The following HFM1 variants were observed in gnomAD, a reference collection of about 807,000 sequenced individuals.
HFM1 encodes the protein probable ATP-dependent DNA helicase HFM1.
Under a neutral mutation model 192.1 loss-of-function variants are expected in HFM1, and 169 were observed. The observed-to-expected ratio is 0.88, with a 90% CI of 0.78 to 1.00. The LOEUF is 1.00. HFM1 is among the 50% of genes least tolerant of loss of function. The pLI, the probability that HFM1 is intolerant of heterozygous loss-of-function variation, is 0.00. For synonymous variants in HFM1, 525 were observed against 537.8 expected, an observed-to-expected ratio of 0.98 and a Z score of 0.33; for missense variants, 1,661 against 1,668.0, an observed-to-expected ratio of 1.00 and a Z score of 0.07.
At chr1:91,290,618 CACTGTCA>C (rs1668634738) in intron 30 of HFM1, among the ~76,000 whole-genome samples, 1 of 152,134 alleles carries the variant, frequency 6.6e-6, no homozygotes, top group African/African-American at 2.4e-5. Flanking sequence ...TTTAACACCC[CACTGTCA>C]ACATTACACA....
intron 20 of HFM1, among the ~76,000 whole-genome samples, chr1:91,342,716 T>C (rs1441869246): frequency 6.6e-6 from 1 of 152,204 alleles, no homozygotes; most frequent in Non-Finnish European, 1.5e-5. Flanking sequence ...TCCCAGTTAA[T>C]GAACCTAAGA....
chr1:91,318,494 T>G (rs1461135217), intron 25 of HFM1, among the ~76,000 whole-genome samples: 1 of 152,194 alleles, frequency 6.6e-6, no homozygotes, highest in African/African-American at 2.4e-5. Context: ...AGGTCACAGG[T>G]ACCAAACAGG....
chr1:91,382,461 A>T lies in HFM1; in HGVS notation c.803-1479T>A, dbSNP rs549137146. Reference sequence around the variant, plus strand: ...TAAGTGACATATCCCAAATACTTAGAACAGTGCCTGACACATAACTCAGTT... The same window carrying T: ...TAAGTGACATATCCCAAATACTTAGTACAGTGCCTGACACATAACTCAGTT... On this transcript the variant is annotated intron_variant, in intron 6 of 38. Transcript: ENST00000370425. Among the ~76,000 whole-genome samples the T allele has an allele frequency of 1.1e-4, 17 of 152,328 alleles. No homozygotes were observed. The East Asian group carries it at 3.1e-3, about 28-fold the overall frequency.
chr1:91,319,353 C>T lies in HFM1; in HGVS notation c.2620G>A (p.Asp874Asn). The change falls in exon 24 of 39, where the codon GAT becomes AAT. Residue 874 changes from aspartate to asparagine, a missense_variant. Coordinates refer to ENST00000370425, the MANE Select transcript of HFM1 (RefSeq NM_001017975.6). Reference sequence around the variant, plus strand: ...GCGGTATCTTGTGTCAAAGCAAAATCTTGTATGGGAATGCATCCTAGTTGA... The same window carrying T: ...GCGGTATCTTGTGTCAAAGCAAAATTTTGTATGGGAATGCATCCTAGTTGA... ...QAQLGCIPIQ[D>N]FALTQDTAKI... 6.2e-7 allele frequency: 1 copy of T among 1,612,934 alleles called. No individual in the cohort carries two copies. Among genetic ancestry groups the T allele is most frequent in the Non-Finnish European group, 8.5e-7 (1 of 1,179,068 alleles).
At chr1:91,309,118 A>G (rs778829856) in intron 30 of HFM1, among the ~76,000 whole-genome samples, 1 of 152,208 alleles carries the variant, frequency 6.6e-6, no homozygotes, top group Non-Finnish European at 1.5e-5. Context: ...ATAGTTCTAA[A>G]TGCGTTCTTC....
At position 91,338,657 on chromosome 1, in the gene HFM1, TC is replaced by T. The variant is rs147721735; in HGVS notation, c.2335+4772del. 2.5e-3 allele frequency among the ~76,000 whole-genome samples: 382 copies of T among 152,232 alleles called. 3 individuals carry two copies. The highest frequency in any genetic ancestry group is 8.5e-3 in the African/African-American group (355 of 41,554). The stretch of plus-strand genomic sequence containing the variant: ...TGCACTCAACCATGGCCTCCCCACA[TC>T]ACTTTGCTAGCATGCACATGGTGCA... On this transcript the variant is annotated intron_variant, in intron 20 of 38. Coordinates refer to ENST00000370425, the MANE Select transcript of HFM1 (RefSeq NM_001017975.6).
chr1:91,378,506 T>C (rs192036010), intron 9 of HFM1, 26 bp from the exon 10 acceptor site: 12 of 1,299,932 alleles, frequency 9.2e-6, no homozygotes, highest in African/African-American at 4.4e-5. Flanking sequence ...AGCATACAAG[T>C]AGTTTAATGT....
intron 13 of HFM1, among the ~76,000 whole-genome samples, chr1:91,363,057 C>T (rs1474852879): frequency 2.0e-5 from 3 of 151,936 alleles, no homozygotes; most frequent in Admixed American, 1.3e-4. Flanking sequence ...AATGTAAAAC[C>T]GAAAACTATA....
chr1:91,393,876 G>A (rs1429521162), intron 4 of HFM1, among the ~76,000 whole-genome samples: 1 of 151,888 alleles, frequency 6.6e-6, no homozygotes, highest in Non-Finnish European at 1.5e-5. Flanking sequence ...GGACTGTTGT[G>A]GTACCATTTA....
At chr1:91,339,070 C>G in intron 20 of HFM1, 1 of 454,352 alleles carries the variant, frequency 2.2e-6, no homozygotes, top group Non-Finnish European at 4.4e-6. Context: ...ACTTATGCCA[C>G]AGTAAATCTC....
chr1:91,285,140 G>A (rs1448109962), intron 30 of HFM1, among the ~76,000 whole-genome samples: 2 of 152,132 alleles, frequency 1.3e-5, no homozygotes, highest in African/African-American at 4.8e-5. Flanking sequence ...GGCCTCCCCA[G>A]CCACGTGGAA....
intron 36 of HFM1, 70 bp downstream of exon 36, chr1:91,265,947 C>A (rs1665723813): frequency 1.3e-6 from 2 of 1,554,252 alleles, no homozygotes; most frequent in African/African-American, 2.8e-5. Context: ...ATAACTTGAT[C>A]CCCATCTCCA....
At chr1:91,262,711 A>G in intron 36 of HFM1, 119 bp from the exon 37 acceptor site, 1 of 622,502 alleles carries the variant, frequency 1.6e-6, no homozygotes, top group African/African-American at 1.9e-5. Context: ...ACAAAAATGT[A>G]ATGCATTGTT....
intron 4 of HFM1, among the ~76,000 whole-genome samples, chr1:91,389,964 T>A (rs905882588): frequency 5.9e-5 from 9 of 152,214 alleles, no homozygotes; most frequent in Non-Finnish European, 1.5e-5. Flanking sequence ...GCAATTCTAC[T>A]TCTGGGTTTA....
In HFM1 at chr1:91,396,394, T is replaced by C. The variant is rs908265078; in HGVS notation, c.83A>G (p.Asn28Ser). The change falls in exon 3 of 39, where the codon AAT (asparagine) becomes AGT (serine). Residue 28 changes from asparagine (N) to serine (S), a missense_variant. By Grantham distance (46) the Asn-to-Ser change is conservative. Transcript: ENST00000370425. ...KPDEVENHPD[N>S]EKSLDWFLPP... ...GAGAAACCAATCCAATGACTTTTCA[T>C]TGTCTGGATGGCTATATAAAATATA... 9 of 1,567,124 alleles carry C rather than the reference T, an allele frequency of 5.7e-6. No individual in the cohort carries two copies. The African/African-American group carries it at 1.1e-4, about 19-fold the overall frequency.
At chr1:91,381,830 A>ATT (rs1661579538) in intron 6 of HFM1, among the ~76,000 whole-genome samples, 1 of 152,190 alleles carries the variant, frequency 6.6e-6, no homozygotes, top group African/African-American at 2.4e-5. Context: ...GTACACAGTT[A>ATT]CTTAAACAAC....
At chr1:91,359,938 A>G (rs1658275097) in intron 13 of HFM1, among the ~76,000 whole-genome samples, 1 of 152,208 alleles carries the variant, frequency 6.6e-6, no homozygotes, top group Middle Eastern at 3.2e-3. Context: ...GAAAACCTAC[A>G]AGCCAGAAGA....
Position 91,274,768 on chromosome 1 carries a change from A to G in HFM1, c.3630T>C (p.Phe1210=). Residue 1210 remains phenylalanine (F), a synonymous_variant, in exon 33 of 39, where the codon TTT becomes TTC. Coordinates refer to ENST00000370425, the MANE Select transcript of HFM1 (RefSeq NM_001017975.6). Reference sequence around the variant, plus strand: ...GAAGGGAAGGTTTTGGAGTAAAACCAAACTCTTTAAGGTCCACACTTTGAG... The same window carrying G: ...GAAGGGAAGGTTTTGGAGTAAAACCGAACTCTTTAAGGTCCACACTTTGAG... ...NKSQSVDLKE[F]GFTPKPSLPS... 6.4e-7 allele frequency: 1 copy of G among 1,572,700 alleles called. No homozygotes were observed. Among genetic ancestry groups the G allele is most frequent in the Non-Finnish European group, 8.7e-7 (1 of 1,144,258 alleles).
At chr1:91,341,606 T>C (rs978841931) in intron 20 of HFM1, among the ~76,000 whole-genome samples, 6 of 151,588 alleles carry the variant, frequency 4.0e-5, no homozygotes, top group South Asian at 2.1e-4. Flanking sequence ...GTGAACAAAA[T>C]TGAGAGACAC....
Sources: allele counts gnomAD v4.1 joint callset (sites outside exome capture counted in the v4.1 genomes callset), GRCh38; gene constraint gnomAD v4.1.1; transcripts MANE v1.5; gene names NCBI Gene and HGNC (gene_info 2026-07-23, HGNC 2026-07-21).